ADAMTSL1: variants seen among roughly 807,000 people sequenced by gnomAD.
ADAMTSL1 encodes ADAMTS like 1.
A neutral mutation model predicts 201.8 loss-of-function variants in ADAMTSL1; 126 were observed. That is an observed-to-expected ratio of 0.62 (90% confidence interval 0.54 to 0.72). The LOEUF (loss-of-function observed/expected upper bound fraction) is 0.72, where lower values mean the gene tolerates loss of function less well. ADAMTSL1 is among the 30% of genes least tolerant of loss of function. The probability of loss-of-function intolerance (pLI) is 0.00; values close to 1 mark genes in which losing one functional copy is unlikely to be tolerated. For synonymous variants in ADAMTSL1, 1,121 were observed against 903.4 expected (o/e 1.24, Z -4.32); for missense variants, 2,679 against 2,277.8 (o/e 1.18, Z -3.59).
intron 1 of ADAMTSL1, among the ~76,000 whole-genome samples, chr9:17,972,306 C>G (rs1818238176): frequency 1.3e-5 from 1 of 79,282 alleles, no homozygotes; most frequent in Non-Finnish European, 2.6e-5. Context: ...AATGCTATCC[C>G]TCCCCCCTCC....
intron 1 of ADAMTSL1, among the ~76,000 whole-genome samples, chr9:17,963,930 T>G (rs1035708216): frequency 3.9e-5 from 6 of 152,140 alleles, no homozygotes; most frequent in African/African-American, 1.4e-4. Flanking sequence ...TTCTCCTCAA[T>G]TATATTTAGC....
At chr9:18,884,833 C>A (rs1361957594) in intron 23 of ADAMTSL1, among the ~76,000 whole-genome samples, 1 of 152,060 alleles carries the variant, frequency 6.6e-6, no homozygotes, top group Non-Finnish European at 1.5e-5. Context: ...AACTATGAAT[C>A]CTCTTTGTTC....
intron 2 of ADAMTSL1, among the ~76,000 whole-genome samples, chr9:18,388,171 A>T (rs1837881691): frequency 1.3e-5 from 2 of 151,898 alleles, no homozygotes; most frequent in Non-Finnish European, 2.9e-5. Flanking sequence ...TTGTAAATAG[A>T]TATCTGGATT....
chr9:18,220,576 C>G (rs902505659), intron 2 of ADAMTSL1, among the ~76,000 whole-genome samples: 14 of 152,130 alleles, frequency 9.2e-5, no homozygotes, highest in African/African-American at 3.4e-4. Flanking sequence ...ATCTCTAATT[C>G]TTTAACTGGT....
intron 9 of ADAMTSL1, among the ~76,000 whole-genome samples, chr9:18,673,340 G>A (rs948274621): frequency 6.6e-6 from 1 of 152,214 alleles, no homozygotes; most frequent in Non-Finnish European, 1.5e-5. Flanking sequence ...ACCCCAGAGA[G>A]AGCTGAGCCT....
chr9:18,461,969 A>G lies in ADAMTSL1; in HGVS notation c.208-42860A>G, dbSNP rs548419177. ...GCACTCTCAAATCTAAAACTCACAT[A>G]TGAAAACTTTCTATATGTGAGTTTT... On this transcript the variant is annotated intron_variant, in intron 2 of 29. Coordinates refer to the ADAMTSL1 transcript ENST00000680146. 3.3e-5 allele frequency among the ~76,000 whole-genome samples: 5 copies of G among 152,250 alleles called. No homozygotes were observed. In the South Asian group the frequency reaches 6.2e-4, roughly 19 times the overall value.
At chr9:18,875,710 G>C (rs977623873) in intron 23 of ADAMTSL1, among the ~76,000 whole-genome samples, 2 of 152,174 alleles carry the variant, frequency 1.3e-5, no homozygotes, top group African/African-American at 4.8e-5. Flanking sequence ...CTGATGAATA[G>C]AGTGTATATT....
chr9:18,317,999 A>G (rs1651994026), intron 2 of ADAMTSL1, among the ~76,000 whole-genome samples: 1 of 152,178 alleles, frequency 6.6e-6, no homozygotes, highest in Admixed American at 6.5e-5. Context: ...AGCCCAGAAC[A>G]CTGGACATGT....
chr9:18,289,830 A>G (rs1218163139), intron 2 of ADAMTSL1, among the ~76,000 whole-genome samples: 1 of 152,226 alleles, frequency 6.6e-6, no homozygotes, highest in African/African-American at 2.4e-5. Context: ...ACTTCTCAAG[A>G]CAGGCTGGAA....
chr9:18,708,236 T>C (rs1410441214), intron 14 of ADAMTSL1, among the ~76,000 whole-genome samples: 1 of 152,230 alleles, frequency 6.6e-6, no homozygotes, highest in Non-Finnish European at 1.5e-5. Flanking sequence ...TCACATGTAG[T>C]TGAAAAGGAA....
intron 2 of ADAMTSL1, among the ~76,000 whole-genome samples, chr9:18,229,173 C>T (rs937765119): frequency 3.3e-5 from 5 of 152,106 alleles, no homozygotes; most frequent in East Asian, 3.9e-4. Flanking sequence ...GTGAGCAGCT[C>T]GGATCATCCC....
intron 1 of ADAMTSL1, among the ~76,000 whole-genome samples, chr9:18,081,760 T>A (rs2131775903): frequency 6.6e-6 from 1 of 152,346 alleles, no homozygotes; most frequent in African/African-American, 2.4e-5. Context: ...TGATTATTAT[T>A]ATAATTAATA....
At chr9:18,128,414 G>A (rs903205208) in intron 1 of ADAMTSL1, among the ~76,000 whole-genome samples, 6 of 152,136 alleles carry the variant, frequency 3.9e-5, no homozygotes, top group Non-Finnish European at 7.3e-5. Context: ...CCAGGCTGCA[G>A]CGTAGTGGTG....
At chr9:18,738,642 A>G (rs1326651578) in intron 15 of ADAMTSL1, among the ~76,000 whole-genome samples, 1 of 152,164 alleles carries the variant, frequency 6.6e-6, no homozygotes, top group African/African-American at 2.4e-5. Flanking sequence ...AGCTGGAAAA[A>G]TAGATAATCT....
At chr9:17,960,087 C>T (rs891315986) in intron 1 of ADAMTSL1, among the ~76,000 whole-genome samples, 4 of 152,164 alleles carry the variant, frequency 2.6e-5, no homozygotes, top group African/African-American at 9.7e-5. Context: ...GCTTCATGAT[C>T]CTTAGCTCCT....
At chr9:18,629,517 C>G (rs1260235011) in intron 5 of ADAMTSL1, among the ~76,000 whole-genome samples, 1 of 152,030 alleles carries the variant, frequency 6.6e-6, no homozygotes, top group East Asian at 1.9e-4. Context: ...GGTTTTTCTT[C>G]TTTAGATTGT....
At chr9:18,179,141 G>T (rs947919777) in intron 2 of ADAMTSL1, among the ~76,000 whole-genome samples, 28 of 152,174 alleles carry the variant, frequency 1.8e-4, no homozygotes, top group African/African-American at 6.7e-4. Flanking sequence ...AAATTTAGAA[G>T]AATGTATAAC....
At chr9:18,813,264 C>A (rs1352811714) in intron 20 of ADAMTSL1, among the ~76,000 whole-genome samples, 1 of 152,100 alleles carries the variant, frequency 6.6e-6, no homozygotes, top group East Asian at 1.9e-4. Context: ...ACACCCGGCC[C>A]CCAACTTTGT....
intron 1 of ADAMTSL1, among the ~76,000 whole-genome samples, chr9:18,069,200 T>C (rs1053458659): frequency 1.3e-5 from 2 of 152,214 alleles, no homozygotes; most frequent in African/African-American, 4.8e-5. Flanking sequence ...CTCAAAGACT[T>C]AGTATAAAAA....
Sources: allele counts gnomAD v4.1 joint callset (sites outside exome capture counted in the v4.1 genomes callset), GRCh38; gene constraint gnomAD v4.1.1; transcripts MANE v1.5; gene names NCBI Gene and HGNC (gene_info 2026-07-23, HGNC 2026-07-21).